LIMS1: variants seen among roughly 807,000 people sequenced by gnomAD.
LIMS1 encodes the protein LIM zinc finger domain containing 1, also known as LIM and senescent cell antigen-like-containing domain protein 1.
A neutral mutation model predicts 44.1 loss-of-function variants in LIMS1; 18 were observed. The observed-to-expected ratio is 0.41, with a 90% CI of 0.28 to 0.61. The LOEUF (loss-of-function observed/expected upper bound fraction) is 0.61, where lower values mean the gene tolerates loss of function less well. LIMS1 is among the 20% of genes least tolerant of loss of function. LIMS1 has a pLI of 0.32. For synonymous variants in LIMS1, 93 were observed against 149.1 expected, an observed-to-expected ratio of 0.62 and a Z score of 2.74; for missense variants, 201 against 422.0, an observed-to-expected ratio of 0.48 and a Z score of 4.59.
chr2:108,615,953 C>T (rs763024814), intron 1 of LIMS1, among the ~76,000 whole-genome samples: 1 of 152,142 alleles, frequency 6.6e-6, no homozygotes, highest in Non-Finnish European at 1.5e-5. Context: ...TACTGGTCAC[C>T]TCTTGTATCC....
chr2:108,621,527 A>C, intron 1 of LIMS1: 2 of 1,152,956 alleles, frequency 1.7e-6, no homozygotes, highest in Non-Finnish European at 2.5e-6. Flanking sequence ...GTGGGGATTC[A>C]TGCCTAAGTG....
chr2:108,550,896 G>T (rs1684665602), intron 1 of LIMS1, among the ~76,000 whole-genome samples: 1 of 151,940 alleles, frequency 6.6e-6, no homozygotes, highest in Admixed American at 6.5e-5. Context: ...CGAGGTGGGA[G>T]GATTGCTTGA....
intron 1 of LIMS1, among the ~76,000 whole-genome samples, chr2:108,601,439 GC>G (rs1248849776): frequency 1.3e-5 from 2 of 152,076 alleles, no homozygotes; most frequent in Non-Finnish European, 2.9e-5. Context: ...AGTCACGAGT[GC>G]CCTTCGTGAC....
At chr2:108,549,634 C>G (rs745998170) in intron 1 of LIMS1, among the ~76,000 whole-genome samples, 15 of 152,074 alleles carry the variant, frequency 9.9e-5, no homozygotes, top group Non-Finnish European at 2.1e-4. Flanking sequence ...TTAGCTGAAA[C>G]ATTAATTTTT....
intron 8 of LIMS1, 54 bp downstream of exon 8, chr2:108,678,081 G>A: frequency 2.5e-6 from 4 of 1,607,080 alleles, no homozygotes; most frequent in Admixed American, 1.7e-5. Flanking sequence ...AAAACACTTG[G>A]GTAATGTGGA....
rs539809089 is a variant in LIMS1, at chr2:108,612,414, A to G, written c.33-47191A>G. On this transcript the variant is annotated intron_variant, in intron 1 of 9. Coordinates refer to ENST00000544547, the Ensembl canonical transcript of LIMS1. ...TGCTTCCAGTGCGTGTTGCTGTTCA[A>G]CAGTACCCTTGGTTTCAGCGTAGTT... is the stretch of plus-strand genomic sequence containing the variant. Among the ~76,000 whole-genome samples the G allele has an allele frequency of 3.2e-4, 49 of 151,308 alleles. No individual in the cohort carries two copies. In the South Asian group the frequency reaches 4.4e-3, roughly 14 times the overall value.
At chr2:108,595,159 A>G (rs1180585653) in intron 1 of LIMS1, among the ~76,000 whole-genome samples, 2 of 152,176 alleles carry the variant, frequency 1.3e-5, no homozygotes, top group Non-Finnish European at 2.9e-5. Context: ...GACCACAGGA[A>G]GGCCCTGTGG....
chr2:108,631,573 T>C (rs1390297879), intron 1 of LIMS1, among the ~76,000 whole-genome samples: 1 of 151,198 alleles, frequency 6.6e-6, no homozygotes, highest in Admixed American at 6.6e-5. Flanking sequence ...TTCTAAGACA[T>C]CTGTTATAGC....
intron 1 of LIMS1, among the ~76,000 whole-genome samples, chr2:108,611,922 A>C (rs1484834156): frequency 1.5e-5 from 1 of 66,752 alleles, no homozygotes; most frequent in African/African-American, 3.9e-5. Flanking sequence ...CACATATAAA[A>C]TATATATATA....
At chr2:108,582,538 G>A (rs986233843) in intron 1 of LIMS1, among the ~76,000 whole-genome samples, 11 of 152,192 alleles carry the variant, frequency 7.2e-5, no homozygotes, top group African/African-American at 2.7e-4. Flanking sequence ...GGAGGCCAAG[G>A]TCGGTGGATC....
chr2:108,540,551 T>C (rs1261795083), intron 1 of LIMS1, among the ~76,000 whole-genome samples: 1 of 152,200 alleles, frequency 6.6e-6, no homozygotes, highest in African/African-American at 2.4e-5. Context: ...AGTATTTATA[T>C]AGTGCATGCT....
intron 9 of LIMS1, chr2:108,681,382 C>G (rs1483052128): frequency 3.0e-5 from 29 of 976,106 alleles, no homozygotes; most frequent in Non-Finnish European, 3.5e-5. Flanking sequence ...ACTCTGTAGA[C>G]TCACTCACCT....
chr2:108,681,922 G>T (rs1365922), intron 9 of LIMS1, among the ~76,000 whole-genome samples: 2 of 151,966 alleles, frequency 1.3e-5, no homozygotes, highest in South Asian at 2.1e-4. Flanking sequence ...AGCATGTTTC[G>T]TATCTAAGCA....
In LIMS1 at chr2:108,639,351, C is replaced by G. The variant is rs201704007; in HGVS notation, c.33-20254C>G. 5.3e-5 allele frequency among the ~76,000 whole-genome samples: 8 copies of G among 152,304 alleles called. No individual in the cohort carries two copies. In the East Asian group the frequency reaches 1.2e-3, roughly 22 times the overall value. On this transcript the variant is annotated intron_variant, in intron 1 of 9. Transcript: ENST00000544547. The stretch of plus-strand genomic sequence containing the variant: ...ATCGTATGTCCTTTGTATGTTTCAC[C>G]CAGTGCTGGAAATGTTGATCATCAC...
intron 1 of LIMS1, among the ~76,000 whole-genome samples, chr2:108,540,157 C>A (rs1684268994): frequency 7.8e-6 from 1 of 128,928 alleles, no homozygotes; most frequent in African/African-American, 2.8e-5. Context: ...GTGAATGTTT[C>A]TAATTTTCAT....
chr2:108,684,118 G>T, exon 10 of LIMS1: 3 of 508,090 alleles, frequency 5.9e-6, no homozygotes, highest in Non-Finnish European at 3.6e-6. Context: ...TATATGAATG[G>T]TTTTATGTCA....
chr2:108,640,827 G>A (rs185698188), intron 1 of LIMS1, among the ~76,000 whole-genome samples: 27 of 152,148 alleles, frequency 1.8e-4, no homozygotes, highest in Non-Finnish European at 3.4e-4. Flanking sequence ...TTGAACATGC[G>A]CAATAAATTA....
At chr2:108,680,403 G>A (rs1692888912) in intron 8 of LIMS1, among the ~76,000 whole-genome samples, 1 of 128,668 alleles carries the variant, frequency 7.8e-6, no homozygotes, top group African/African-American at 2.7e-5. Flanking sequence ...CAGGTGTAGT[G>A]GCATGCACCT....
chr2:108,652,806 G>A (rs1183319856), intron 1 of LIMS1, among the ~76,000 whole-genome samples: 13 of 152,100 alleles, frequency 8.5e-5, no homozygotes, highest in Non-Finnish European at 1.3e-4. Flanking sequence ...CACCCCCACC[G>A]GATGCATTAA....
Sources: gnomAD v4.1 joint callset for allele counts (sites outside exome capture counted in the v4.1 genomes callset) on GRCh38, gnomAD v4.1.1 for gene constraint, MANE v1.5 for transcripts, NCBI Gene and HGNC (gene_info 2026-07-23, HGNC 2026-07-21) for gene names.